The following USP26 variants were observed in gnomAD, a reference collection of about 807,000 sequenced individuals.
The protein encoded by USP26 is ubiquitin carboxyl-terminal hydrolase 26.
For missense variants in USP26, 649 were observed against 642.3 expected (o/e 1.01, Z -0.11); for synonymous variants, 236 against 240.6 (o/e 0.98, Z 0.18).
In USP26 at chrX:133,028,000, G is replaced by A. The variant is rs768165009; in HGVS notation, c.221C>T (p.Thr74Ile). 3.3e-6 allele frequency: 4 copies of A among 1,211,291 alleles called. No individual in the cohort carries two copies. In the East Asian group the frequency reaches 1.2e-4, roughly 36 times the overall value. ...AAACAAGCCATTATTATTTTGTAAA[G>A]TTAAATGCAGGTGATTTTGGTTTCC... ...YRGNQNHLHL[T>I]LQNNNGLFIE... The change falls in exon 6 of 6, where the codon ACT becomes ATT. Residue 74 changes from threonine (T) to isoleucine (I), a missense_variant. Coordinates refer to ENST00000511190, the MANE Select transcript of USP26 (RefSeq NM_031907.3).
At chrX:133,067,836 C>G (rs1194664329) in intron 5 of USP26, among the ~76,000 whole-genome samples, 6 of 111,675 alleles carry the variant, frequency 5.4e-5, no homozygotes, top group Non-Finnish European at 1.1e-4. Flanking sequence ...ACATGTATAC[C>G]TATGTGACGA....
At chrX:133,039,977 G>T (rs1250758427) in intron 5 of USP26, among the ~76,000 whole-genome samples, 2 of 110,979 alleles carry the variant, frequency 1.8e-5, no homozygotes, top group Non-Finnish European at 3.8e-5. Flanking sequence ...ATCTTTGTTG[G>T]TTTAAAGTCT....
chrX:133,056,018 G>A (rs1198047649), intron 5 of USP26, among the ~76,000 whole-genome samples: 1 of 111,601 alleles, frequency 9.0e-6, no homozygotes, highest in Non-Finnish European at 1.9e-5. Flanking sequence ...TTTTGGGTTG[G>A]GAGTGAGTAT....
chrX:133,029,523 T>A (rs1357768249), intron 5 of USP26, among the ~76,000 whole-genome samples: 1 of 111,934 alleles, frequency 8.9e-6, no homozygotes, highest in African/African-American at 3.2e-5. Context: ...CAGCACAAAT[T>A]TAAGTTCTCT....
chrX:133,067,040 C>A (rs2067514278), intron 5 of USP26, among the ~76,000 whole-genome samples: 1 of 111,990 alleles, frequency 8.9e-6, no homozygotes, highest in African/African-American at 3.2e-5. Flanking sequence ...AAAAAGCAAA[C>A]AACCCCATCA....
intron 5 of USP26, among the ~76,000 whole-genome samples, chrX:133,057,215 T>C (rs1674073312): frequency 8.9e-6 from 1 of 111,886 alleles, no homozygotes; most frequent in Non-Finnish European, 1.9e-5. Flanking sequence ...CCTGCATGCA[T>C]TAGGTATAAA....
At chrX:133,032,499 G>A (rs1361001112) in intron 5 of USP26, among the ~76,000 whole-genome samples, 5 of 111,862 alleles carry the variant, frequency 4.5e-5, no homozygotes, top group Admixed American at 1.9e-4. Context: ...GTAAAAGAGC[G>A]GGAGACTGAA....
chrX:133,039,705 G>T (rs1244115807), intron 5 of USP26, among the ~76,000 whole-genome samples: 1 of 111,570 alleles, frequency 9.0e-6, no homozygotes, highest in Non-Finnish European at 1.9e-5. Flanking sequence ...TATCTATTAG[G>T]TCTGCTTGGT....
Position 133,025,460 on chromosome X carries a change from AAGG to A in USP26, c.*16_*18del. The A allele has an allele frequency of 2.5e-6, 3 of 1,210,459 alleles. No homozygotes were observed. Among genetic ancestry groups the A allele is most frequent in the African/African-American group, 1.7e-5 (1 of 57,691 alleles). ...GTGAGACAGTCAGGCAGATCTGTAC[AAGG>A]AGGAGTACGTTCCTCTTATTCCTTC... On this transcript the variant is annotated 3_prime_UTR_variant, in exon 6 of 6. Coordinates refer to ENST00000511190, the MANE Select transcript of USP26 (RefSeq NM_031907.3).
At chrX:133,080,618 C>CA (rs2067566767) in intron 5 of USP26, among the ~76,000 whole-genome samples, 1 of 111,209 alleles carries the variant, frequency 9.0e-6, no homozygotes, top group Admixed American at 9.6e-5. Flanking sequence ...AAGAAATCCA[C>CA]AAAAAAGGCA....
At chrX:133,084,139 A>G (rs2067579696) in intron 4 of USP26, among the ~76,000 whole-genome samples, 1 of 112,410 alleles carries the variant, frequency 8.9e-6, no homozygotes, top group African/African-American at 3.2e-5. Context: ...ATCCAGCCAC[A>G]GTACAGCACT....
intron 5 of USP26, among the ~76,000 whole-genome samples, chrX:133,057,041 G>T (rs1409658333): frequency 9.0e-6 from 1 of 110,971 alleles, no homozygotes; most frequent in Non-Finnish European, 1.9e-5. Context: ...CTATGCTTCA[G>T]CAAACTCCTG....
intron 5 of USP26, among the ~76,000 whole-genome samples, chrX:133,032,039 C>A (rs1179808696): frequency 9.0e-6 from 1 of 111,192 alleles, no homozygotes; most frequent in Non-Finnish European, 1.9e-5. Context: ...TATCCAGCTA[C>A]TCGGGAGGCT....
In USP26 at chrX:133,027,642, T is replaced by C. The variant is rs144115437; in HGVS notation, c.579A>G (p.Glu193=). The C allele has an allele frequency of 5.6e-5, 68 of 1,209,003 alleles. No individual in the cohort carries two copies. In the African/African-American group the frequency reaches 9.4e-4, roughly 17 times the overall value. Residue 193 remains glutamate (E), a synonymous_variant, in exon 6 of 6, where the codon GAA becomes GAG. Coordinates refer to ENST00000511190, the MANE Select transcript of USP26 (RefSeq NM_031907.3). ...MLSSSSEMNE[E]FLKENNSVEY... Reference sequence around the variant, plus strand: ...CTACAGAATTATTTTCTTTCAAGAATTCCTCATTCATCTCTGAGCTAGATG... The same window carrying C: ...CTACAGAATTATTTTCTTTCAAGAACTCCTCATTCATCTCTGAGCTAGATG...
rs764296173 is a variant in USP26 at position 133,026,981 on chromosome X, C to T, written c.1240G>A (p.Asp414Asn). ...IWKPKSEFGEDNFPKQVFADD... is the reference protein window; with the variant it reads ...IWKPKSEFGENNFPKQVFADD... ...GCAAAAACCTGTTTAGGAAAATTAT[C>T]TTCCCCAAATTCACTTTTAGGCTTC... is the stretch of plus-strand genomic sequence containing the variant. Residue 414 changes from aspartate to asparagine, a missense_variant, in exon 6 of 6, where the codon GAT becomes AAT. Asp to Asn is a conservative substitution (Grantham distance 23). Transcript: ENST00000511190. 5.0e-6 allele frequency: 6 copies of T among 1,211,272 alleles called. No homozygotes were observed. Among genetic ancestry groups the T allele is most frequent in the East Asian group, 3.0e-5 (1 of 33,819 alleles).
intron 5 of USP26, among the ~76,000 whole-genome samples, chrX:133,050,564 T>C (rs762237434): frequency 3.2e-4 from 36 of 111,936 alleles, no homozygotes; most frequent in Non-Finnish European, 6.2e-4. Context: ...GCTAATCATA[T>C]TCACTAGAGG....
intron 5 of USP26, among the ~76,000 whole-genome samples, chrX:133,047,615 C>T (rs968817801): frequency 4.5e-5 from 5 of 111,846 alleles, no homozygotes; most frequent in African/African-American, 1.6e-4. Flanking sequence ...CCCCACCTTC[C>T]CCCCATATTC....
chrX:133,048,886 A>G (rs1239361071), intron 5 of USP26, among the ~76,000 whole-genome samples: 2 of 111,632 alleles, frequency 1.8e-5, no homozygotes, highest in East Asian at 5.6e-4. Context: ...TGCTCCACTA[A>G]GCACAACTCC....
intron 5 of USP26, among the ~76,000 whole-genome samples, chrX:133,037,633 G>C (rs1228860785): frequency 8.9e-6 from 1 of 112,047 alleles, no homozygotes; most frequent in Non-Finnish European, 1.9e-5. Flanking sequence ...TGTTCTTTTT[G>C]CTCAGGATTG....
Sources: allele counts gnomAD v4.1 joint callset (sites outside exome capture counted in the v4.1 genomes callset), GRCh38; gene constraint gnomAD v4.1.1; transcripts MANE v1.5; gene names NCBI Gene and HGNC (gene_info 2026-07-23, HGNC 2026-07-21).